CLIC2: variants seen among roughly 807,000 people sequenced by gnomAD.
The protein encoded by CLIC2 is chloride intracellular channel protein 2.
A neutral mutation model predicts 14.8 loss-of-function variants in CLIC2; 9 were observed. The observed-to-expected ratio is 0.61, with a 90% CI of 0.37 to 1.06. CLIC2 has a LOEUF of 1.06. Ranked by LOEUF, CLIC2 falls within the 50% of genes least tolerant of loss-of-function variation. CLIC2 has a pLI of 0.01. For synonymous variants in CLIC2, 61 were observed against 66.3 expected, an observed-to-expected ratio of 0.92 and a Z score of 0.39; for missense variants, 148 against 181.4, an observed-to-expected ratio of 0.82 and a Z score of 1.06.
chrX:155,294,923 T>C (rs1015611696), intron 3 of CLIC2, among the ~76,000 whole-genome samples: 3 of 111,245 alleles, frequency 2.7e-5, no homozygotes, highest in Non-Finnish European at 5.7e-5. Flanking sequence ...ACTGGACAAA[T>C]TCACTGACAA....
At chrX:155,324,684 C>T (rs1260318467) in intron 1 of CLIC2, among the ~76,000 whole-genome samples, 21 of 111,547 alleles carry the variant, frequency 1.9e-4, no homozygotes, top group African/African-American at 6.9e-4. Context: ...TAGGCAATAC[C>T]ATTCAGGACA....
intron 3 of CLIC2, among the ~76,000 whole-genome samples, chrX:155,287,729 G>A (rs1354078451): frequency 8.9e-6 from 1 of 111,925 alleles, no homozygotes; most frequent in Admixed American, 9.5e-5. Context: ...TTGGCTATTC[G>A]GGCTCTTTTT....
chrX:155,305,280 G>T (rs1428957934), intron 1 of CLIC2, among the ~76,000 whole-genome samples: 2 of 112,196 alleles, frequency 1.8e-5, no homozygotes, highest in Admixed American at 1.9e-4. Flanking sequence ...TATGTGGTGC[G>T]CCGTTTTTTA....
intron 1 of CLIC2, among the ~76,000 whole-genome samples, chrX:155,305,175 C>G (rs1353316356): frequency 4.5e-5 from 5 of 112,177 alleles, no homozygotes; most frequent in African/African-American, 1.6e-4. Flanking sequence ...GCCCCTCCCC[C>G]AGCCTCGCTG....
chrX:155,286,744 GC>G (rs1194501401), intron 3 of CLIC2, among the ~76,000 whole-genome samples: 1 of 112,246 alleles, frequency 8.9e-6, no homozygotes. Context: ...TCACTAATGA[GC>G]TTTTTTCATA....
intron 1 of CLIC2, among the ~76,000 whole-genome samples, chrX:155,316,602 A>G (rs1208702126): frequency 9.0e-6 from 1 of 111,105 alleles, no homozygotes; most frequent in East Asian, 2.8e-4. Context: ...TCTGGGATAC[A>G]GCAAAAGTGG....
chrX:155,283,846 G>A (rs1262306519), intron 3 of CLIC2, among the ~76,000 whole-genome samples: 1 of 111,415 alleles, frequency 9.0e-6, no homozygotes, highest in African/African-American at 3.3e-5. Flanking sequence ...AACTAATTTT[G>A]TAAAGCCTAT....
In CLIC2 at chrX:155,276,976, G is replaced by A. The variant is rs145583465; in HGVS notation, c.*927C>T. 302 of 112,206 alleles carry A rather than the reference G, an allele frequency of 2.7e-3. 1 individual carries two copies. Among genetic ancestry groups the A allele is most frequent in the African/African-American group, 9.6e-3 (296 of 30,963 alleles). 9.2% of individuals were successfully genotyped at this position (112,206 alleles called of 1,213,427 possible). On this transcript the variant is annotated 3_prime_UTR_variant, in exon 6 of 6. Coordinates refer to ENST00000369449, the MANE Select transcript of CLIC2 (RefSeq NM_001289.6). ...TTTCCTTTTTTGAAGCTGCACTTAT[G>A]CTTGTGTTTCTCTTTTGAGGGAGCA...
At position 155,334,491 on chromosome X, in the gene CLIC2, C is replaced by A. The variant is rs2124230275; in HGVS notation, c.-64G>T. The A allele has an allele frequency of 7.4e-6, 7 of 941,885 alleles. No homozygotes were observed. The highest frequency in any genetic ancestry group is 3.1e-5 in the East Asian group (1 of 32,548). The allele number at this position is 941,885 out of a possible 1,213,427, so 77.6% of individuals were successfully genotyped here. A position where few individuals can be genotyped will look rare whatever the true frequency, so the allele number is the denominator to read the frequency against. On this transcript the variant is annotated 5_prime_UTR_variant, in exon 1 of 6. Transcript: ENST00000369449. ...GTAGAGTCCACAATACTTGTAGACT[C>A]TTTTCTCAATTTTATCCAAAGACTC...
Position 155,334,218 on chromosome X carries a change from C to CA in CLIC2, c.57+152dup, listed in dbSNP as rs782261557. Among the ~76,000 whole-genome samples the CA allele has an allele frequency of 3.8e-3, 430 of 111,915 alleles. 1 individual carries two copies. Among genetic ancestry groups the CA allele is most frequent in the African/African-American group, 0.013 (393 of 30,855 alleles). On this transcript the variant is annotated intron_variant, in intron 1 of 5. Coordinates refer to ENST00000369449, the MANE Select transcript of CLIC2 (RefSeq NM_001289.6). ...CTGTTGTCATCTAAGAACAGTCACACACCCGGGCATTCTTCTAGAACTCAG... is the reference window on the plus strand; with the variant it reads ...CTGTTGTCATCTAAGAACAGTCACACAACCCGGGCATTCTTCTAGAACTCAG...
At chrX:155,331,993 T>A (rs1557322871) in intron 1 of CLIC2, among the ~76,000 whole-genome samples, 1 of 111,640 alleles carries the variant, frequency 9.0e-6, no homozygotes. Context: ...TGTACAAATA[T>A]ACTAAAACTT....
At chrX:155,301,435 C>T (rs111974289) in intron 1 of CLIC2, among the ~76,000 whole-genome samples, 16 of 110,472 alleles carry the variant, frequency 1.4e-4, no homozygotes, top group East Asian at 5.7e-4. Context: ...TTTTGTATCC[C>T]GAGACTTTGC....
intron 1 of CLIC2, among the ~76,000 whole-genome samples, chrX:155,323,628 A>C (rs868940526): frequency 8.9e-6 from 1 of 112,151 alleles, no homozygotes; most frequent in Non-Finnish European, 1.9e-5. Flanking sequence ...GCACAAGACA[A>C]GGATGCCCTC....
chrX:155,293,017 C>A, intron 3 of CLIC2: 1 of 719,674 alleles, frequency 1.4e-6, no homozygotes, highest in Non-Finnish European at 2.2e-6. Flanking sequence ...GCTGTGGTAT[C>A]TGCCATTAAA....
chrX:155,309,523 G>T, intron 1 of CLIC2: 1 of 284,001 alleles, frequency 3.5e-6, no homozygotes, highest in Non-Finnish European at 6.6e-6. Context: ...ACATGAGACT[G>T]AGCAATTTAC....
intron 3 of CLIC2, among the ~76,000 whole-genome samples, chrX:155,287,681 C>T (rs782452726): frequency 5.4e-5 from 6 of 111,976 alleles, no homozygotes; most frequent in South Asian, 3.7e-4. Flanking sequence ...TTGGCTAATG[C>T]GATACTTCCA....
At position 155,277,136 on chromosome X, in the gene CLIC2, T is replaced by C. The variant is rs916188158; in HGVS notation, c.*767A>G. 2.7e-5 allele frequency: 3 copies of C among 112,622 alleles called. No homozygotes were observed. The highest frequency in any genetic ancestry group is 3.8e-5 in the Non-Finnish European group (2 of 53,279). 9.3% of individuals were successfully genotyped at this position (112,622 alleles called of 1,213,427 possible). A position where few individuals can be genotyped will look rare whatever the true frequency, so the allele number is the denominator to read the frequency against. ...GTAATTATCTAAGGACTGTTTACCTTATCCTTTTATGGACAACAAGAAGAC... is the reference window on the plus strand; with the variant it reads ...GTAATTATCTAAGGACTGTTTACCTCATCCTTTTATGGACAACAAGAAGAC... On this transcript the variant is annotated 3_prime_UTR_variant, in exon 6 of 6. Coordinates refer to ENST00000369449, the MANE Select transcript of CLIC2 (RefSeq NM_001289.6).
chrX:155,304,641 G>A (rs1358771646), intron 1 of CLIC2, among the ~76,000 whole-genome samples: 19 of 103,645 alleles, frequency 1.8e-4, no homozygotes, highest in Non-Finnish European at 3.2e-4. Flanking sequence ...CGTTCCTTTG[G>A]AGGAGGAGAG....
At chrX:155,301,472 T>C (rs1247261744) in intron 1 of CLIC2, among the ~76,000 whole-genome samples, 6 of 109,457 alleles carry the variant, frequency 5.5e-5, no homozygotes, top group Non-Finnish European at 1.1e-4. Context: ...CTTAAGGAGA[T>C]TTTGGGCTGA....
Sources: allele counts gnomAD v4.1 joint callset (sites outside exome capture counted in the v4.1 genomes callset), GRCh38; gene constraint gnomAD v4.1.1; transcripts MANE v1.5; gene names NCBI Gene and HGNC (gene_info 2026-07-23, HGNC 2026-07-21).